Variants in SLC4A4 observed in about 807,000 individuals in gnomAD.
SLC4A4 encodes electrogenic sodium bicarbonate cotransporter 1.
Under a neutral mutation model 111.5 loss-of-function variants are expected in SLC4A4, and 27 were observed. That is an observed-to-expected ratio of 0.24 (90% CI 0.18 to 0.33). SLC4A4 has a LOEUF of 0.33. Ranked by LOEUF, SLC4A4 falls within the 10% of genes least tolerant of loss-of-function variation. SLC4A4 has a pLI of 1.00. For missense variants in SLC4A4, 909 were observed against 1,315.5 expected, an observed-to-expected ratio of 0.69 and a Z score of 4.78; for synonymous variants, 443 against 463.4, an observed-to-expected ratio of 0.96 and a Z score of 0.57.
chr4:71,305,534 T>C (rs1200572594), intron 3 of SLC4A4, among the ~76,000 whole-genome samples: 1 of 152,252 alleles, frequency 6.6e-6, no homozygotes, highest in Non-Finnish European at 1.5e-5. Flanking sequence ...CATGCAGTTT[T>C]AGCAAAAGAT....
intron 2 of SLC4A4, among the ~76,000 whole-genome samples, chr4:71,146,250 G>A (rs1316417976): frequency 6.6e-6 from 1 of 152,168 alleles, no homozygotes; most frequent in Non-Finnish European, 1.5e-5. Context: ...CCATGTAGTT[G>A]AGCGGTTTTG....
chr4:71,507,133 C>T (rs1484864629), intron 16 of SLC4A4, among the ~76,000 whole-genome samples: 1 of 152,160 alleles, frequency 6.6e-6, no homozygotes, highest in Non-Finnish European at 1.5e-5. Context: ...CCAGCCACTA[C>T]AAAAACACAC....
In SLC4A4 at chr4:71,382,586, A is replaced by C. The variant is rs1023202601; in HGVS notation, c.731-14991A>C. Among the ~76,000 whole-genome samples, 3 of 152,216 alleles carry C rather than the reference A, an allele frequency of 2.0e-5. No individual in the cohort carries two copies. In the East Asian group the frequency reaches 5.8e-4, roughly 29 times the overall value. ...AGTTTACCACATAAAAATGAGCTTT[A>C]TTAAAATGAAATGGATCACTTCATT... On this transcript the variant is annotated intron_variant, in intron 6 of 25. Coordinates refer to ENST00000264485, the MANE Select transcript of SLC4A4 (RefSeq NM_001098484.3).
chr4:71,511,953 T>C (rs1378596810), intron 16 of SLC4A4, among the ~76,000 whole-genome samples: 2 of 152,162 alleles, frequency 1.3e-5, no homozygotes, highest in Non-Finnish European at 2.9e-5. Context: ...TATTTAATTC[T>C]TTTTATGGCT....
At chr4:71,335,876 G>T (rs1409836727) in intron 3 of SLC4A4, among the ~76,000 whole-genome samples, 5 of 151,634 alleles carry the variant, frequency 3.3e-5, no homozygotes, top group Non-Finnish European at 7.4e-5. Flanking sequence ...ATTGTACCTT[G>T]TATCAGTATG....
At chr4:71,567,133 C>G in intron 25 of SLC4A4, 50 bp downstream of exon 25, 1 of 1,407,318 alleles carries the variant, frequency 7.1e-7, no homozygotes, top group Non-Finnish European at 1.0e-6. Flanking sequence ...AATTGCCCCA[C>G]AGAAATGTAG....
chr4:71,455,144 AG>A (rs1252010706), intron 12 of SLC4A4, among the ~76,000 whole-genome samples: 2 of 152,190 alleles, frequency 1.3e-5, no homozygotes, highest in East Asian at 3.9e-4. Flanking sequence ...TGATCTTCAA[AG>A]AGAGGCTGAA....
chr4:71,222,326 A>G (rs983086107), intron 1 of SLC4A4, among the ~76,000 whole-genome samples: 19 of 151,964 alleles, frequency 1.3e-4, no homozygotes, highest in Admixed American at 4.6e-4. Flanking sequence ...TCACTTCCTT[A>G]CCCTTTTCAA....
At chr4:71,284,156 C>T (rs1329239730) in intron 3 of SLC4A4, among the ~76,000 whole-genome samples, 2 of 152,174 alleles carry the variant, frequency 1.3e-5, no homozygotes, top group African/African-American at 2.4e-5. Context: ...GTAATTTAGA[C>T]TGGGATCATT....
chr4:71,528,502 T>C (rs1398410852), intron 16 of SLC4A4, among the ~76,000 whole-genome samples: 2 of 152,108 alleles, frequency 1.3e-5, no homozygotes, highest in Non-Finnish European at 2.9e-5. Context: ...TGTTGTTGAA[T>C]AGAGCGAAAA....
intron 3 of SLC4A4, among the ~76,000 whole-genome samples, chr4:71,312,245 C>T (rs1381950607): frequency 6.6e-6 from 1 of 152,070 alleles, no homozygotes; most frequent in Non-Finnish European, 1.5e-5. Context: ...CCTGAATAGA[C>T]CAATAACAAG....
At chr4:71,123,107 G>A (rs1414734415) in intron 2 of SLC4A4, among the ~76,000 whole-genome samples, 5 of 152,138 alleles carry the variant, frequency 3.3e-5, no homozygotes, top group Admixed American at 6.5e-5. Context: ...ATGGTATAAT[G>A]AAAAGTTTTA....
chr4:71,092,605 C>T (rs1250166118), intron 1 of SLC4A4, among the ~76,000 whole-genome samples: 1 of 152,030 alleles, frequency 6.6e-6, no homozygotes, highest in Non-Finnish European at 1.5e-5. Flanking sequence ...GAGAATAGAA[C>T]CTGAAAGGAG....
In SLC4A4 at chr4:71,290,044, A is replaced by G. The variant is rs1724214656; in HGVS notation, c.253+34645A>G. ...TTTGTAACCTAGATTTAAAGTAACG[A>G]AGGTTTAGAGGAGGGCTTTGGGAAA... is the stretch of plus-strand genomic sequence containing the variant. On this transcript the variant is annotated intron_variant, in intron 3 of 25. Transcript: ENST00000264485. 2.0e-5 allele frequency among the ~76,000 whole-genome samples: 3 copies of G among 152,182 alleles called. No individual in the cohort carries two copies. In the South Asian group the frequency reaches 6.2e-4, roughly 31 times the overall value.
intron 6 of SLC4A4, among the ~76,000 whole-genome samples, chr4:71,385,492 C>T (rs1467059329): frequency 6.6e-6 from 1 of 151,820 alleles, no homozygotes; most frequent in Non-Finnish European, 1.5e-5. Flanking sequence ...GCCATCACGC[C>T]CAGCCTTTAG....
chr4:71,559,768 A>T (rs910721984), intron 22 of SLC4A4, among the ~76,000 whole-genome samples: 1 of 151,800 alleles, frequency 6.6e-6, no homozygotes, highest in Non-Finnish European at 1.5e-5. Context: ...TAAACTTTTA[A>T]TTATTTTATT....
intron 3 of SLC4A4, among the ~76,000 whole-genome samples, chr4:71,331,409 T>C (rs560029479): frequency 6.6e-6 from 1 of 152,018 alleles, no homozygotes; most frequent in African/African-American, 2.4e-5. Context: ...CCATAAAAAA[T>C]GATGAGTTCA....
intron 2 of SLC4A4, among the ~76,000 whole-genome samples, chr4:71,128,346 C>A (rs934463106): frequency 6.6e-6 from 1 of 152,108 alleles, no homozygotes; most frequent in African/African-American, 2.4e-5. Context: ...CAGGAAAGAC[C>A]CGCCCCCATG....
chr4:71,151,756 T>TAAA (rs35840387), intron 2 of SLC4A4, among the ~76,000 whole-genome samples: 1 of 127,912 alleles, frequency 7.8e-6, no homozygotes, highest in Non-Finnish European at 1.7e-5. Flanking sequence ...CCATTTCTAC[T>TAAA]AAAAAAAAAA....
Sources: gnomAD v4.1 joint callset for allele counts (sites outside exome capture counted in the v4.1 genomes callset) on GRCh38, gnomAD v4.1.1 for gene constraint, MANE v1.5 for transcripts, NCBI Gene and HGNC (gene_info 2026-07-23, HGNC 2026-07-21) for gene names.